PISD: variants seen among roughly 807,000 people sequenced by gnomAD.
The protein encoded by PISD is phosphatidylserine decarboxylase, also known as phosphatidylserine decarboxylase proenzyme, mitochondrial.
Under a neutral mutation model 43.5 loss-of-function variants are expected in PISD, and 31 were observed. The observed-to-expected ratio is 0.71, with a 90% CI of 0.54 to 0.96. PISD has a LOEUF of 0.96. Ranked by LOEUF, PISD falls within the 40% of genes least tolerant of loss-of-function variation. PISD has a pLI of 0.00. For missense variants in PISD, 523 were observed against 548.4 expected, an observed-to-expected ratio of 0.95 and a Z score of 0.46; for synonymous variants, 259 against 228.7, an observed-to-expected ratio of 1.13 and a Z score of -1.20.
intron 3 of PISD, among the ~76,000 whole-genome samples, chr22:31,632,005 G>C (rs1001098053): frequency 1.9e-4 from 29 of 152,204 alleles, no homozygotes; most frequent in Admixed American, 1.5e-3. Flanking sequence ...TCAGGAGTTT[G>C]AGACCAGCCT....
Position 31,630,728 on chromosome 22 carries a change from G to A in PISD, c.322-8843C>T, listed in dbSNP as rs929308800. ...CCCACCCGGCACTGGCCCTCTGAGCGGGCAGGGTGGGGCGCCTCCCTGAGA... is the reference window on the plus strand; with the variant it reads ...CCCACCCGGCACTGGCCCTCTGAGCAGGCAGGGTGGGGCGCCTCCCTGAGA... On this transcript the variant is annotated intron_variant, in intron 3 of 7. Transcript: ENST00000439502. The surrounding 1 kb of genome is among the most constrained non-coding windows in gnomAD (Gnocchi z 4.4). 1.7e-5 allele frequency: 17 copies of A among 985,258 alleles called. No individual in the cohort carries two copies. Among genetic ancestry groups the A allele is most frequent in the Non-Finnish European group, 1.9e-5 (16 of 829,880 alleles). The allele number at this position is 985,258 out of a possible 1,614,324, so 61.0% of individuals were successfully genotyped here.
At chr22:31,633,943 G>A (rs1337695017) in intron 3 of PISD, among the ~76,000 whole-genome samples, 1 of 152,186 alleles carries the variant, frequency 6.6e-6, no homozygotes, top group African/African-American at 2.4e-5. Context: ...AGGCCATGGA[G>A]TCCTTTATTT....
intron 3 of PISD, among the ~76,000 whole-genome samples, chr22:31,627,237 G>A (rs2072959033): frequency 6.6e-6 from 1 of 152,234 alleles, no homozygotes; most frequent in Non-Finnish European, 1.5e-5. Flanking sequence ...GAGTGACGGG[G>A]ACAGCTCACT....
intron 3 of PISD, among the ~76,000 whole-genome samples, chr22:31,638,977 G>C (rs2073607390): frequency 6.6e-6 from 1 of 151,720 alleles, no homozygotes; most frequent in African/African-American, 2.4e-5. Context: ...GGATGACAGA[G>C]TGAGAGCCTG....
At chr22:31,648,008 A>C in intron 3 of PISD, 93 bp downstream of exon 3, 1 of 1,103,606 alleles carries the variant, frequency 9.1e-7, no homozygotes, top group Non-Finnish European at 1.3e-6. Context: ...AGCATATTTG[A>C]CTTGTTCAAA....
intron 2 of PISD, 34 bp from the exon 3 acceptor site, chr22:31,648,310 G>A: frequency 6.4e-7 from 1 of 1,560,406 alleles, no homozygotes; most frequent in East Asian, 2.3e-5. Context: ...TCAAGCCTGA[G>A]AGACAGGAAT....
In PISD at chr22:31,634,311, A is replaced by G. The variant is rs981302688; in HGVS notation, c.322-12426T>C. On this transcript the variant is annotated intron_variant, in intron 3 of 7. Coordinates refer to ENST00000439502, the MANE Select transcript of PISD (RefSeq NM_001326411.2). ...ACCACAGGCAGGCATCAGCCTCCCC[A>G]ACGTCTGGGCAGAGAGGCCAGGCAA... 1.5e-4 allele frequency among the ~76,000 whole-genome samples: 23 copies of G among 152,202 alleles called. 1 individual carries two copies. The highest frequency in any genetic ancestry group is 1.1e-3 in the Admixed American group (17 of 15,280).
chr22:31,623,736 G>A, intron 3 of PISD: 2 of 1,614,162 alleles, frequency 1.2e-6, no homozygotes, highest in Non-Finnish European at 1.7e-6. Flanking sequence ...GGCGCCGAAG[G>A]GCAGGAGGTA....
chr22:31,658,598 G>A lies in PISD; in HGVS notation c.65+3546C>T, dbSNP rs145181625. 1.3e-3 allele frequency among the ~76,000 whole-genome samples: 194 copies of A among 152,190 alleles called. 1 individual carries two copies. Among genetic ancestry groups the A allele is most frequent in the Non-Finnish European group, 2.2e-3 (152 of 68,012 alleles). ...AGGGTCTCACTCTGTCACCCAGGCTGGAATGCAGTGGTGAAATCACAGCTC... is the reference window on the plus strand; with the variant it reads ...AGGGTCTCACTCTGTCACCCAGGCTAGAATGCAGTGGTGAAATCACAGCTC... On this transcript the variant is annotated intron_variant, in intron 1 of 7. Coordinates refer to ENST00000439502, the MANE Select transcript of PISD (RefSeq NM_001326411.2).
chr22:31,630,668 A>G lies in PISD; in HGVS notation c.322-8783T>C, dbSNP rs750029201. 3.2e-6 allele frequency: 3 copies of G among 930,258 alleles called. No homozygotes were observed. Among genetic ancestry groups the G allele is most frequent in the Non-Finnish European group, 3.8e-6 (3 of 779,386 alleles). The allele number at this position is 930,258 out of a possible 1,614,324, so 57.6% of individuals were successfully genotyped here. A position where few individuals can be genotyped will look rare whatever the true frequency, so the allele number is the denominator to read the frequency against. On this transcript the variant is annotated intron_variant, in intron 3 of 7. Coordinates refer to ENST00000439502, the MANE Select transcript of PISD (RefSeq NM_001326411.2). This position sits in a 1 kb window ranked among gnomAD's most constrained non-coding sequence, Gnocchi z 4.4. The stretch of plus-strand genomic sequence containing the variant: ...GGGGCCGCGTCGTCACAGCTGGGAG[A>G]GCCCACCTGCGACCGAAGGCCCTAG...
intron 3 of PISD, among the ~76,000 whole-genome samples, chr22:31,637,163 AAATATATATATATATATAT>A (rs1247630076): frequency 3.3e-3 from 67 of 20,408 alleles, no homozygotes; most frequent in South Asian, 0.019. Flanking sequence ...AAAAAAAAAA[AAATATATATATATATATAT>A]ATATATATAT....
chr22:31,656,605 C>T (rs1048217564), intron 1 of PISD, among the ~76,000 whole-genome samples: 3 of 150,430 alleles, frequency 2.0e-5, no homozygotes, highest in Admixed American at 2.0e-4. Flanking sequence ...GCCGAGATCG[C>T]ACACTGCACT....
At chr22:31,658,429 C>T (rs11703102) in intron 1 of PISD, among the ~76,000 whole-genome samples, 17,155 of 152,178 alleles carry the variant, frequency 0.11, 1,133 homozygotes, top group African/African-American at 0.18. Flanking sequence ...CCTAGTTAGA[C>T]TGTTATTATT....
intron 3 of PISD, among the ~76,000 whole-genome samples, chr22:31,631,377 T>G (rs2073199675): frequency 1.3e-5 from 2 of 152,200 alleles, no homozygotes; most frequent in Admixed American, 6.5e-5. Flanking sequence ...CATCCCATCT[T>G]GAAGCTACAA....
At chr22:31,640,650 G>A (rs2073675230) in intron 3 of PISD, among the ~76,000 whole-genome samples, 1 of 117,794 alleles carries the variant, frequency 8.5e-6, no homozygotes, top group South Asian at 2.9e-4. Context: ...GCACGATCTC[G>A]GCTCACTGCA....
At chr22:31,636,066 T>C (rs2073422085) in intron 3 of PISD, among the ~76,000 whole-genome samples, 1 of 152,160 alleles carries the variant, frequency 6.6e-6, no homozygotes, top group Non-Finnish European at 1.5e-5. Flanking sequence ...CTCACCAACA[T>C]GGAGAACACG....
At chr22:31,636,196 T>C (rs565300841) in intron 3 of PISD, among the ~76,000 whole-genome samples, 11 of 152,254 alleles carry the variant, frequency 7.2e-5, no homozygotes, top group Non-Finnish European at 1.3e-4. Flanking sequence ...CACAGGGTTC[T>C]GCCTTATGCT....
At chr22:31,642,385 G>C (rs866620832) in intron 3 of PISD, among the ~76,000 whole-genome samples, 12 of 151,180 alleles carry the variant, frequency 7.9e-5, no homozygotes, top group South Asian at 2.1e-4. Context: ...AACTCGGAAG[G>C]TTAAGGCTAC....
At chr22:31,661,137 C>A (rs565705054) in intron 1 of PISD, among the ~76,000 whole-genome samples, 3 of 152,334 alleles carry the variant, frequency 2.0e-5, no homozygotes, top group African/African-American at 7.2e-5. Context: ...GTTACCACCA[C>A]AATGCAGAGC....
Sources: allele counts gnomAD v4.1 joint callset (sites outside exome capture counted in the v4.1 genomes callset), GRCh38; gene constraint gnomAD v4.1.1; non-coding constraint Gnocchi (gnomAD v3.1); transcripts MANE v1.5; gene names NCBI Gene and HGNC (gene_info 2026-07-23, HGNC 2026-07-21).